Variants in GATA2 observed in about 807,000 individuals in gnomAD.
GATA2 encodes the protein GATA binding protein 2.
A neutral mutation model predicts 35.7 loss-of-function variants in GATA2; 6 were observed. That is an observed-to-expected ratio of 0.17 (90% CI 0.09 to 0.33). GATA2 has a LOEUF of 0.33. GATA2 is among the 10% of genes least tolerant of loss of function. The pLI is 1.00. For missense variants in GATA2, 541 were observed against 656.6 expected, an observed-to-expected ratio of 0.82 and a Z score of 1.92; for synonymous variants, 313 against 274.9, an observed-to-expected ratio of 1.14 and a Z score of -1.37.
chr3:128,491,661 C>A (rs1200808809), intron 1 of GATA2, among the ~76,000 whole-genome samples: 6 of 152,218 alleles, frequency 3.9e-5, no homozygotes, highest in Admixed American at 1.3e-4. Context: ...TCAGTGCAGG[C>A]TCTCCCACCT....
At chr3:128,491,453 C>T (rs1317996520) in intron 1 of GATA2, among the ~76,000 whole-genome samples, 1 of 152,190 alleles carries the variant, frequency 6.6e-6, no homozygotes, top group Non-Finnish European at 1.5e-5. Flanking sequence ...GGCAATAAAC[C>T]TTGAGGGGTA....
At position 128,485,991 on chromosome 3, in the gene GATA2, C is replaced by G. The variant is rs1353988929; in HGVS notation, c.607G>C (p.Ala203Pro). Residue 203 changes from alanine (A) to proline (P), a missense_variant, in exon 3 of 6, where the codon GCC becomes CCC. Physicochemically the swap from Ala to Pro is conservative, Grantham distance 27. Around this residue, in one of 5 missense-constraint regions of GATA2, gnomAD observed 389 missense variants for 396.9 expected, o/e 0.98. Transcript: ENST00000341105. ...PASSSAGGSA[A>P]RGEDKDGVKY... is the part of the protein sequence containing the mutation. Reference sequence around the variant, plus strand: ...ACGCCGTCCTTGTCCTCTCCTCGGGCTGCACTACCCCCCGCGGAAGATGAG... The same window carrying G: ...ACGCCGTCCTTGTCCTCTCCTCGGGGTGCACTACCCCCCGCGGAAGATGAG... 48 of 1,614,194 alleles carry G rather than the reference C, an allele frequency of 3.0e-5. No homozygotes were observed. The highest frequency in any genetic ancestry group is 4.0e-5 in the Non-Finnish European group (47 of 1,180,014).
In GATA2 at chr3:128,485,794, T is replaced by C; in HGVS notation, c.804A>G (p.Gly268=). ...HDYSSGLFHP[G]GFLGGPASSF... ...TGGAGGCCGGTCCCCCCAGGAAGCCTCCGGGGTGGAAGAGTCCGCTGCTGT... is the reference window on the plus strand; with the variant it reads ...TGGAGGCCGGTCCCCCCAGGAAGCCCCCGGGGTGGAAGAGTCCGCTGCTGT... The change falls in exon 3 of 6, where the codon GGA becomes GGG. Residue 268 remains glycine (G), a synonymous_variant. Transcript: ENST00000341105. The C allele has an allele frequency of 6.2e-7, 1 of 1,613,920 alleles. No homozygotes were observed. Among genetic ancestry groups the C allele is most frequent in the Non-Finnish European group, 8.5e-7 (1 of 1,179,940 alleles).
In GATA2 at chr3:128,485,924, C is replaced by G. The variant is rs146116228; in HGVS notation, c.674G>C (p.Ser225Thr). ...TAGGCCTGGGCGCAGGGGACTGCCA[C>G]TTTCCATCTTCATGCTCTCCGTCAG... Reference protein sequence around the residue: ...VSLTESMKMESGSPLRPGLAT... With the variant: ...VSLTESMKMETGSPLRPGLAT... The change falls in exon 3 of 6, where the codon AGT becomes ACT. Residue 225 changes from serine (S) to threonine (T), a missense_variant. Physicochemically the swap from Ser to Thr is moderately conservative, Grantham distance 58. Transcript: ENST00000341105. The G allele has an allele frequency of 6.2e-7, 1 of 1,614,196 alleles. No homozygotes were observed. The highest frequency in any genetic ancestry group is 8.5e-7 in the Non-Finnish European group (1 of 1,180,032).
intron 3 of GATA2, 67 bp from the exon 4 acceptor site, chr3:128,484,072 G>A: frequency 1.3e-6 from 2 of 1,578,812 alleles, no homozygotes; most frequent in African/African-American, 1.3e-5. Context: ...GGAGTCCAGG[G>A]CAGGAAAGCA....
chr3:128,489,416 G>GT (rs1449351258), intron 1 of GATA2: 1 of 152,342 alleles, frequency 6.6e-6, no homozygotes, highest in Non-Finnish European at 1.5e-5. Flanking sequence ...CTCAGCGCAG[G>GT]TAAAGCGCGG....
At position 128,481,771 on chromosome 3, in the gene GATA2, C is replaced by A. The variant is rs568850264; in HGVS notation, c.1143+48G>T. The A allele has an allele frequency of 2.5e-6, 4 of 1,594,100 alleles. No individual in the cohort carries two copies. In the African/African-American group the frequency reaches 4.0e-5, roughly 16 times the overall value. On this transcript the variant is annotated intron_variant, in intron 5 of 5. Transcript: ENST00000341105. ...GCCTCTTGCCTGGCAGCACAAAGCG[C>A]AGAGGTCCCCTGGGAGGGGCGGGGT...
Position 128,485,591 on chromosome 3 carries a change from G to A in GATA2, c.871+136C>T, listed in dbSNP as rs925656475. 1.1e-5 allele frequency: 12 copies of A among 1,120,104 alleles called. No individual in the cohort carries two copies. The African/African-American group carries it at 1.9e-4, about 17-fold the overall frequency. 69.4% of individuals were successfully genotyped at this position (1,120,104 alleles called of 1,614,324 possible). A position where few individuals can be genotyped will look rare whatever the true frequency, so the allele number is the denominator to read the frequency against. ...GACCCGGGGGTCTCAAACATCTGCT[G>A]GGGGCTATTAGAGCGAGACATCACC... On this transcript the variant is annotated intron_variant, in intron 3 of 5. Transcript: ENST00000341105.
intron 1 of GATA2, chr3:128,489,132 CTG>C (rs1246927829): frequency 6.6e-6 from 1 of 152,254 alleles, no homozygotes; most frequent in East Asian, 1.9e-4. Flanking sequence ...AATTGGGTAA[CTG>C]GAGGCGGCTT....
chr3:128,483,586 A>T (rs2068657000), intron 4 of GATA2, among the ~76,000 whole-genome samples: 1 of 152,222 alleles, frequency 6.6e-6, no homozygotes, highest in African/African-American at 2.4e-5. Context: ...AGAGGACAGG[A>T]GTCCGGCCCG....
In GATA2 at chr3:128,488,299, C is replaced by G. The variant is rs1288750121; in HGVS notation, c.-45-1223G>C. 5 of 152,518 alleles carry G rather than the reference C, an allele frequency of 3.3e-5. No individual in the cohort carries two copies. Among genetic ancestry groups the G allele is most frequent in the Non-Finnish European group, 5.9e-5 (4 of 68,334 alleles). The allele number at this position is 152,518 out of a possible 1,614,324, so 9.4% of individuals were successfully genotyped here. ...GATGGCCTCTCCCCGAGACCCTAACCCCGCCACGCTCCTTCACCGCTGAAC... is the reference window on the plus strand; with the variant it reads ...GATGGCCTCTCCCCGAGACCCTAACGCCGCCACGCTCCTTCACCGCTGAAC... On this transcript the variant is annotated intron_variant, in intron 1 of 5. Transcript: ENST00000341105. This position sits in a 1 kb window ranked among gnomAD's most constrained non-coding sequence, Gnocchi z 5.8.
intron 3 of GATA2, among the ~76,000 whole-genome samples, chr3:128,484,290 G>A (rs1055038868): frequency 5.3e-5 from 8 of 152,320 alleles, no homozygotes; most frequent in Non-Finnish European, 1.2e-4. Flanking sequence ...GGCCCCAGGC[G>A]TTCTGGAGCA....
At chr3:128,484,202 T>C (rs1269645143) in intron 3 of GATA2, among the ~76,000 whole-genome samples, 197 bp from the exon 4 acceptor site, 5 of 151,512 alleles carry the variant, frequency 3.3e-5, no homozygotes. Flanking sequence ...AGGTCCAGAG[T>C]CGTTTAAAGC....
intron 1 of GATA2, chr3:128,490,010 G>A (rs1168891213): frequency 6.6e-6 from 1 of 152,220 alleles, no homozygotes; most frequent in South Asian, 2.1e-4. Flanking sequence ...CTTCCCGCCC[G>A]GCCGCGATCG....
At chr3:128,491,432 A>C (rs2068766578) in intron 1 of GATA2, among the ~76,000 whole-genome samples, 1 of 152,188 alleles carries the variant, frequency 6.6e-6, no homozygotes, top group African/African-American at 2.4e-5. Flanking sequence ...GCGGCCTCCC[A>C]GCCCCACACT....
Position 128,481,570 on chromosome 3 carries a change from TC to T in GATA2, c.1143+248del, listed in dbSNP as rs528395427. 5.0e-3 allele frequency among the ~76,000 whole-genome samples: 750 copies of T among 151,460 alleles called. 7 individuals are homozygous for T. Among genetic ancestry groups the T allele is most frequent in the African/African-American group, 0.018 (727 of 41,232 alleles). On this transcript the variant is annotated intron_variant, in intron 5 of 5. Transcript: ENST00000341105. ...AGCACTGCCCAGCCAACTGAAGTCC[TC>T]CCCCCCACCCTGACCCTTTTTAAGC...
chr3:128,481,961 G>A lies in GATA2; in HGVS notation c.1018-17C>T. On this transcript the variant is annotated splice_polypyrimidine_tract_variant and intron_variant, in intron 4 of 5. Transcript: ENST00000341105. ...GGCGGCCGACTGGGAGGGCAAGGCAGCGTCAGCAGGCTGGACTCCCACGCC... is the reference window on the plus strand; with the variant it reads ...GGCGGCCGACTGGGAGGGCAAGGCAACGTCAGCAGGCTGGACTCCCACGCC... The A allele has an allele frequency of 1.2e-6, 2 of 1,612,294 alleles. No homozygotes were observed. Among genetic ancestry groups the A allele is most frequent in the East Asian group, 2.2e-5 (1 of 44,868 alleles).
chr3:128,489,602 A>T (rs1043498927), intron 1 of GATA2: 1 of 152,026 alleles, frequency 6.6e-6, no homozygotes, highest in Non-Finnish European at 1.5e-5. Flanking sequence ...CAGCCCGGGA[A>T]GCCGCGCAGG....
chr3:128,492,017 C>T (rs1409727541), intron 1 of GATA2: 3 of 152,256 alleles, frequency 2.0e-5, no homozygotes, highest in Non-Finnish European at 4.4e-5. Flanking sequence ...GTTCTCGAAT[C>T]CTGCCTGCTC....
Sources: allele counts gnomAD v4.1 joint callset (sites outside exome capture counted in the v4.1 genomes callset), GRCh38; gene constraint gnomAD v4.1.1; regional missense constraint gnomAD v4.1.1; non-coding constraint Gnocchi (gnomAD v3.1); transcripts MANE v1.5; gene names NCBI Gene and HGNC (gene_info 2026-07-23, HGNC 2026-07-21).